Variants in HSD17B3 observed in about 807,000 individuals in gnomAD.
The protein encoded by HSD17B3 is 17-beta-hydroxysteroid dehydrogenase type 3.
Under a neutral mutation model 41.1 loss-of-function variants are expected in HSD17B3, and 29 were observed. The ratio of observed to expected loss-of-function variants is 0.71; its 90% confidence interval spans 0.53 to 0.96. The LOEUF (loss-of-function observed/expected upper bound fraction) is 0.96. Ranked by LOEUF, HSD17B3 falls within the 40% of genes least tolerant of loss-of-function variation. The probability of loss-of-function intolerance (pLI) is 0.00; values close to 1 mark genes in which losing one functional copy is unlikely to be tolerated. For missense variants in HSD17B3, 323 were observed against 374.6 expected (o/e 0.86, Z 1.14); for synonymous variants, 126 against 145.6 (o/e 0.87, Z 0.97).
At chr9:96,261,983 C>T (rs1360124418) in intron 2 of HSD17B3, among the ~76,000 whole-genome samples, 1 of 152,136 alleles carries the variant, frequency 6.6e-6, no homozygotes, top group Non-Finnish European at 1.5e-5. Flanking sequence ...CGAAGTGAAA[C>T]CATGTTTGCA....
At chr9:96,279,168 GA>G (rs1826589600) in intron 2 of HSD17B3, among the ~76,000 whole-genome samples, 1 of 152,224 alleles carries the variant, frequency 6.6e-6, no homozygotes, top group Admixed American at 6.5e-5. Context: ...AATCCATGCT[GA>G]AGTTTATTTT....
At chr9:96,285,720 T>C (rs1229124876) in intron 2 of HSD17B3, among the ~76,000 whole-genome samples, 1 of 152,126 alleles carries the variant, frequency 6.6e-6, no homozygotes, top group Non-Finnish European at 1.5e-5. Context: ...ACCCTCACAA[T>C]ATTGATGCCT....
Position 96,246,607 on chromosome 9 carries a change from A to G in HSD17B3, c.490-17T>C, listed in dbSNP as rs764988022. 23 of 1,613,756 alleles carry G rather than the reference A, an allele frequency of 1.4e-5. No individual in the cohort carries two copies. The highest frequency in any genetic ancestry group is 1.9e-5 in the Non-Finnish European group (23 of 1,179,676). On this transcript the variant is annotated splice_polypyrimidine_tract_variant and intron_variant, in intron 6 of 10. Coordinates refer to ENST00000375263, the MANE Select transcript of HSD17B3 (RefSeq NM_000197.2). ...CTGTGTCATCTACAAGAGAAGGCCA[A>G]AGGTAAGCCCGACAAGGAACTAAGT...
chr9:96,300,897 A>T (rs1827573442), intron 1 of HSD17B3, among the ~76,000 whole-genome samples: 1 of 142,950 alleles, frequency 7.0e-6, no homozygotes, highest in African/African-American at 2.8e-5. Context: ...TTCATTTCTT[A>T]AAAACACTTG....
intron 10 of HSD17B3, 73 bp downstream of exon 10, chr9:96,240,685 T>C: frequency 6.8e-7 from 1 of 1,473,008 alleles, no homozygotes. Context: ...AAGGAAGAGC[T>C]AGCCCAGCCC....
intron 9 of HSD17B3, among the ~76,000 whole-genome samples, chr9:96,242,001 G>GAAAGAAAGAAAA (rs1554692381): frequency 7.7e-6 from 1 of 130,502 alleles, no homozygotes; most frequent in African/African-American, 2.9e-5. Context: ...AAGAAAGAAA[G>GAAAGAAAGAAAA]AAAGAGAAAG....
intron 2 of HSD17B3, among the ~76,000 whole-genome samples, chr9:96,255,363 A>ATTT (rs1825595207): frequency 6.5e-5 from 3 of 46,350 alleles, no homozygotes; most frequent in African/African-American, 1.3e-4. Flanking sequence ...CTGCCCCAAC[A>ATTT]TTTCTTTTTT....
At chr9:96,274,932 A>T (rs940832698) in intron 2 of HSD17B3, among the ~76,000 whole-genome samples, 2 of 152,288 alleles carry the variant, frequency 1.3e-5, no homozygotes, top group African/African-American at 4.8e-5. Context: ...ACAAATTAAG[A>T]ATACTCTGAG....
intron 2 of HSD17B3, among the ~76,000 whole-genome samples, chr9:96,265,286 G>A (rs1826011163): frequency 6.6e-6 from 1 of 152,196 alleles, no homozygotes; most frequent in Non-Finnish European, 1.5e-5. Context: ...TTTCTTTTTA[G>A]ACTAACTATA....
chr9:96,296,790 C>G (rs958631756), intron 2 of HSD17B3, among the ~76,000 whole-genome samples: 1 of 151,894 alleles, frequency 6.6e-6, no homozygotes, highest in African/African-American at 2.4e-5. Flanking sequence ...GCCTGTAATC[C>G]CAGCACTATG....
chr9:96,251,146 A>G (rs1836885182), intron 5 of HSD17B3: 1 of 531,186 alleles, frequency 1.9e-6, no homozygotes, highest in Admixed American at 3.1e-5. Context: ...AGTAGAGTGC[A>G]GCACCCCAGA....
intron 2 of HSD17B3, among the ~76,000 whole-genome samples, chr9:96,269,183 G>T (rs1826148452): frequency 6.6e-6 from 1 of 152,172 alleles, no homozygotes; most frequent in African/African-American, 2.4e-5. Context: ...ATAGTAGGCA[G>T]CTGGAACACA....
intron 6 of HSD17B3, among the ~76,000 whole-genome samples, chr9:96,248,190 A>T (rs1184612484): frequency 6.6e-6 from 1 of 152,034 alleles, no homozygotes; most frequent in Non-Finnish European, 1.5e-5. Context: ...GACATATAAA[A>T]CTCATAATTA....
In HSD17B3 at chr9:96,301,979, A is replaced by G. The variant is rs780124210; in HGVS notation, c.126T>C (p.Ser42=). 32 of 1,614,046 alleles carry G rather than the reference A, an allele frequency of 2.0e-5. No homozygotes were observed. In the South Asian group the frequency reaches 3.0e-4, roughly 15 times the overall value. The change falls in exon 1 of 11, where the codon TCT becomes TCC. Residue 42 remains serine, a synonymous_variant. Coordinates refer to ENST00000375263, the MANE Select transcript of HSD17B3 (RefSeq NM_000197.2). ...LLNYWKVLPK[S]FLRSMGQWAV... ...CCCACTGTCCCATTGACCGCAAGAA[A>G]GACTTTGGCAAAACTTTCCAGTAGT...
chr9:96,301,996 T>G lies in HSD17B3; in HGVS notation c.109A>C (p.Lys37Gln), dbSNP rs781518300. ...FSRCVLLNYW[K>Q]VLPKSFLRSM... ...CGCAAGAAAGACTTTGGCAAAACTT[T>G]CCAGTAGTTCAGTAAAACACATCTG... Residue 37 changes from lysine to glutamine, a missense_variant, in exon 1 of 11, where the codon AAA becomes CAA. Physicochemically the swap from Lys to Gln is moderately conservative, Grantham distance 53. Coordinates refer to ENST00000375263, the MANE Select transcript of HSD17B3 (RefSeq NM_000197.2). 1.9e-6 allele frequency: 3 copies of G among 1,614,030 alleles called. No individual in the cohort carries two copies. In the South Asian group the frequency reaches 3.3e-5, roughly 18 times the overall value.
chr9:96,272,888 G>T (rs185589486), intron 2 of HSD17B3, among the ~76,000 whole-genome samples: 1 of 152,190 alleles, frequency 6.6e-6, no homozygotes, highest in East Asian at 1.9e-4. Context: ...CACTAAGAAG[G>T]AAAAAACTAC....
At chr9:96,286,163 A>T (rs1826909566) in intron 2 of HSD17B3, among the ~76,000 whole-genome samples, 1 of 152,148 alleles carries the variant, frequency 6.6e-6, no homozygotes, top group Admixed American at 6.5e-5. Flanking sequence ...GGCCAACATG[A>T]CAAAACTCCA....
At chr9:96,286,865 T>C (rs900037580) in intron 2 of HSD17B3, among the ~76,000 whole-genome samples, 6 of 152,208 alleles carry the variant, frequency 3.9e-5, no homozygotes, top group African/African-American at 7.2e-5. Flanking sequence ...TTGTTTAGCA[T>C]ATCATCAAGA....
intron 2 of HSD17B3, among the ~76,000 whole-genome samples, chr9:96,284,215 TAAAAAAA>T (rs569621446): frequency 3.4e-4 from 34 of 100,206 alleles, no homozygotes; most frequent in African/African-American, 6.1e-4. Flanking sequence ...GACTCCATCT[TAAAAAAA>T]AAAAAAAAAA....
Sources: allele counts gnomAD v4.1 joint callset (sites outside exome capture counted in the v4.1 genomes callset), GRCh38; gene constraint gnomAD v4.1.1; transcripts MANE v1.5; gene names NCBI Gene and HGNC (gene_info 2026-07-23, HGNC 2026-07-21).